GALNTL6: variants seen among roughly 807,000 people sequenced by gnomAD.
GALNTL6 encodes the protein polypeptide N-acetylgalactosaminyltransferase like 6.
A neutral mutation model predicts 73.7 loss-of-function variants in GALNTL6; 46 were observed. The ratio of observed to expected loss-of-function variants is 0.62; its 90% CI spans 0.49 to 0.80. GALNTL6 has a LOEUF of 0.80. Among genes scored for constraint, GALNTL6 ranks in the 30% least tolerant of loss-of-function variants. The pLI is 0.00. For synonymous variants in GALNTL6, 259 were observed against 263.7 expected, an observed-to-expected ratio of 0.98 and a Z score of 0.17; for missense variants, 604 against 755.0, an observed-to-expected ratio of 0.80 and a Z score of 2.34.
intron 3 of GALNTL6, among the ~76,000 whole-genome samples, chr4:172,288,307 G>T (rs1041330601): frequency 5.9e-5 from 9 of 152,014 alleles, no homozygotes; most frequent in African/African-American, 2.2e-4. Flanking sequence ...TAGCCAGGAC[G>T]GTCTCGATCT....
At chr4:172,623,734 A>T (rs925297587) in intron 5 of GALNTL6, among the ~76,000 whole-genome samples, 1 of 152,118 alleles carries the variant, frequency 6.6e-6, no homozygotes, top group African/African-American at 2.4e-5. Flanking sequence ...ACTATCTTCC[A>T]GTCTTGTCCA....
intron 7 of GALNTL6, among the ~76,000 whole-genome samples, chr4:172,864,061 C>T (rs1744536188): frequency 6.6e-6 from 1 of 152,180 alleles, no homozygotes; most frequent in South Asian, 2.1e-4. Context: ...TAAGACGTGA[C>T]TTTGCTCTTC....
At chr4:172,813,506 A>G (rs1560970034) in intron 6 of GALNTL6, 34 bp from the exon 7 acceptor site, 1 of 1,554,972 alleles carries the variant, frequency 6.4e-7, no homozygotes, top group Non-Finnish European at 8.8e-7. Flanking sequence ...CTAGGCAGGC[A>G]TGTCATTTCC....
chr4:172,343,103 CAT>C, intron 4 of GALNTL6, among the ~76,000 whole-genome samples: 1 of 152,074 alleles, frequency 6.6e-6, no homozygotes, highest in East Asian at 1.9e-4. Flanking sequence ...TCATTACCAC[CAT>C]ATAACCTCCT....
intron 5 of GALNTL6, among the ~76,000 whole-genome samples, chr4:172,640,986 A>G (rs1739946710): frequency 6.6e-6 from 1 of 151,972 alleles, no homozygotes; most frequent in South Asian, 2.1e-4. Context: ...CAGTAACTCC[A>G]TTTTACCATC....
intron 10 of GALNTL6, among the ~76,000 whole-genome samples, chr4:173,001,532 G>A (rs1752046079): frequency 6.6e-6 from 1 of 152,136 alleles, no homozygotes. Flanking sequence ...CTTCATGAAA[G>A]TTAAAACTTT....
intron 5 of GALNTL6, among the ~76,000 whole-genome samples, chr4:172,536,166 T>G: frequency 6.6e-6 from 1 of 152,246 alleles, no homozygotes; most frequent in Admixed American, 6.5e-5. Context: ...CCTCCCCAGC[T>G]ATGTGGATCT....
intron 2 of GALNTL6, among the ~76,000 whole-genome samples, chr4:172,046,450 G>T (rs1742224731): frequency 6.6e-6 from 1 of 152,018 alleles, no homozygotes; most frequent in Admixed American, 6.6e-5. Flanking sequence ...ATTCCATATA[G>T]TTTCCCGTGA....
At chr4:173,022,973 A>T (rs763158703) in intron 12 of GALNTL6, among the ~76,000 whole-genome samples, 3 of 152,164 alleles carry the variant, frequency 2.0e-5, no homozygotes, top group Non-Finnish European at 2.9e-5. Context: ...TCTCAAATCC[A>T]TGGACCTGCT....
At chr4:172,263,625 T>C (rs1267413814) in intron 3 of GALNTL6, among the ~76,000 whole-genome samples, 1 of 151,646 alleles carries the variant, frequency 6.6e-6, no homozygotes, top group East Asian at 1.9e-4. Context: ...TGAGAATTTC[T>C]AATTCTAGAA....
chr4:172,925,943 T>A (rs1309402338), intron 8 of GALNTL6, among the ~76,000 whole-genome samples: 3 of 152,340 alleles, frequency 2.0e-5, no homozygotes, highest in East Asian at 3.9e-4. Context: ...TAGTTGAAAT[T>A]TTATTACTGT....
chr4:172,458,396 T>C (rs1380109524), intron 5 of GALNTL6, among the ~76,000 whole-genome samples: 1 of 151,020 alleles, frequency 6.6e-6, no homozygotes, highest in Non-Finnish European at 1.5e-5. Context: ...CAGATAGAGA[T>C]ATGAAAAACC....
chr4:172,407,413 T>C (rs1342711893), intron 5 of GALNTL6, among the ~76,000 whole-genome samples: 1 of 152,116 alleles, frequency 6.6e-6, no homozygotes, highest in Non-Finnish European at 1.5e-5. Flanking sequence ...TATTCAGGCA[T>C]GTGGCAGATT....
At chr4:172,319,273 G>A (rs1740676211) in intron 4 of GALNTL6, among the ~76,000 whole-genome samples, 1 of 152,192 alleles carries the variant, frequency 6.6e-6, no homozygotes, top group African/African-American at 2.4e-5. Flanking sequence ...ATTAATAAAT[G>A]TGATTGCGGC....
chr4:172,548,434 C>T (rs1057144063), intron 5 of GALNTL6, among the ~76,000 whole-genome samples: 4 of 152,150 alleles, frequency 2.6e-5, no homozygotes, highest in Non-Finnish European at 5.9e-5. Flanking sequence ...ACATGATTCT[C>T]ATAGGAATGC....
At chr4:172,169,872 CTA>C (rs1560951607) in intron 2 of GALNTL6, among the ~76,000 whole-genome samples, 1 of 152,128 alleles carries the variant, frequency 6.6e-6, no homozygotes, top group Non-Finnish European at 1.5e-5. Flanking sequence ...AGAATAATGA[CTA>C]TATTTAAGGA....
intron 5 of GALNTL6, among the ~76,000 whole-genome samples, chr4:172,464,358 GAA>G (rs1179783058): frequency 2.6e-5 from 4 of 152,092 alleles, no homozygotes; most frequent in African/African-American, 9.7e-5. Context: ...AATATTTTGT[GAA>G]CATTAAGTAC....
intron 10 of GALNTL6, among the ~76,000 whole-genome samples, chr4:172,992,451 T>A (rs1173736305): frequency 2.0e-5 from 3 of 152,224 alleles, no homozygotes; most frequent in African/African-American, 7.2e-5. Context: ...TTTCAAAGCT[T>A]ATTAGAGTCC....
intron 5 of GALNTL6, among the ~76,000 whole-genome samples, chr4:172,503,551 T>C (rs1734341203): frequency 2.1e-5 from 1 of 48,502 alleles, no homozygotes. Flanking sequence ...TATATATATG[T>C]ATTAGTTTTT....
Sources: gnomAD v4.1 joint callset for allele counts (sites outside exome capture counted in the v4.1 genomes callset) on GRCh38, gnomAD v4.1.1 for gene constraint, MANE v1.5 for transcripts, NCBI Gene and HGNC (gene_info 2026-07-23, HGNC 2026-07-21) for gene names.